Variants in RGSL1 observed in about 807,000 individuals in gnomAD.
RGSL1 encodes regulator of G protein signaling like 1, also known as regulator of G protein signaling protein-like.
In RGSL1, 97 loss-of-function variants were observed where a neutral mutation model predicts 124.7. The ratio of observed to expected loss-of-function variants is 0.78; its 90% CI spans 0.66 to 0.92. RGSL1 has a LOEUF of 0.92. RGSL1 is among the 40% of genes least tolerant of loss of function. RGSL1 has a pLI of 0.00. For synonymous variants in RGSL1, 424 were observed against 438.1 expected (o/e 0.97, Z 0.40); for missense variants, 1,233 against 1,288.4 (o/e 0.96, Z 0.66).
intron 15 of RGSL1, among the ~76,000 whole-genome samples, chr1:182,540,938 AC>A (rs1364092031): frequency 6.6e-6 from 1 of 152,166 alleles, no homozygotes; most frequent in East Asian, 1.9e-4. Context: ...TATAGACTAT[AC>A]CCCAAAAGCT....
At chr1:182,546,343 A>T (rs1396484340) in intron 15 of RGSL1, among the ~76,000 whole-genome samples, 2 of 114,932 alleles carry the variant, frequency 1.7e-5, no homozygotes, top group African/African-American at 6.3e-5. Context: ...CTGGCTTTGT[A>T]TACCTTTTTT....
intron 9 of RGSL1, among the ~76,000 whole-genome samples, chr1:182,505,590 G>T (rs1656753340): frequency 6.6e-6 from 1 of 152,082 alleles, no homozygotes; most frequent in Non-Finnish European, 1.5e-5. Flanking sequence ...CATTTTCTGT[G>T]TCATCATTTC....
At chr1:182,491,685 G>C (rs950817313) in intron 8 of RGSL1, among the ~76,000 whole-genome samples, 2 of 151,754 alleles carry the variant, frequency 1.3e-5, no homozygotes, top group African/African-American at 2.4e-5. Flanking sequence ...ACACATCATG[G>C]TGATGATGAT....
intron 9 of RGSL1, among the ~76,000 whole-genome samples, chr1:182,513,832 G>A (rs1657653396): frequency 6.6e-6 from 1 of 151,398 alleles, no homozygotes; most frequent in Non-Finnish European, 1.5e-5. Flanking sequence ...ATAGAGAGGT[G>A]TACTTTACCA....
intron 6 of RGSL1, among the ~76,000 whole-genome samples, chr1:182,481,613 CCAGA>C (rs1320854785): frequency 6.6e-6 from 1 of 152,118 alleles, no homozygotes; most frequent in African/African-American, 2.4e-5. Context: ...GACACCAAAG[CCAGA>C]CAAAGACACA....
At chr1:182,520,054 T>G (rs1658218171) in intron 9 of RGSL1, among the ~76,000 whole-genome samples, 1 of 152,180 alleles carries the variant, frequency 6.6e-6, no homozygotes, top group South Asian at 2.1e-4. Flanking sequence ...TTTGGTGAAG[T>G]CTTTTAAAAT....
chr1:182,521,434 A>G (rs578174835), intron 9 of RGSL1, among the ~76,000 whole-genome samples: 1 of 152,340 alleles, frequency 6.6e-6, no homozygotes, highest in East Asian at 1.9e-4. Flanking sequence ...GGAACCAGAC[A>G]CCAATTCTGA....
intron 1 of RGSL1, among the ~76,000 whole-genome samples, chr1:182,451,143 C>CAAAAAAAAA (rs569488586): frequency 9.5e-6 from 1 of 105,076 alleles, no homozygotes. Flanking sequence ...GAGACTTTGG[C>CAAAAAAAAA]AAAAAAAAAA....
intron 9 of RGSL1, among the ~76,000 whole-genome samples, chr1:182,507,713 T>C (rs1276136147): frequency 6.6e-6 from 1 of 151,824 alleles, no homozygotes; most frequent in East Asian, 1.9e-4. Flanking sequence ...TTTTTTTTTT[T>C]CTTTTTTGGG....
chr1:182,516,797 T>A lies in RGSL1; in HGVS notation c.1826-5207T>A, dbSNP rs542613537. On this transcript the variant is annotated intron_variant, in intron 9 of 21. Coordinates refer to ENST00000294854, the MANE Select transcript of RGSL1 (RefSeq NM_001137669.2). Reference sequence around the variant, plus strand: ...GTTATCTTAATTTACGTATTACTAATGTTTTAACAGTTTCTGTAGCTGTTA... The same window carrying A: ...GTTATCTTAATTTACGTATTACTAAAGTTTTAACAGTTTCTGTAGCTGTTA... Among the ~76,000 whole-genome samples, 4 of 152,324 alleles carry A rather than the reference T, an allele frequency of 2.6e-5. No homozygotes were observed. In the South Asian group the frequency reaches 8.3e-4, roughly 32 times the overall value.
chr1:182,449,634 T>TAA (rs1279949570), upstream of RGSL1, among the ~76,000 whole-genome samples: 1 of 152,186 alleles, frequency 6.6e-6, no homozygotes, highest in Non-Finnish European at 1.5e-5. Context: ...GCTGATGTTT[T>TAA]AATTTTAATT....
At position 182,456,782 on chromosome 1, in the gene RGSL1, A is replaced by T. The variant is rs952422149; in HGVS notation, c.97-1537A>T. Among the ~76,000 whole-genome samples, 6 of 152,124 alleles carry T rather than the reference A, an allele frequency of 3.9e-5. No homozygotes were observed. The East Asian group carries it at 1.2e-3, about 29-fold the overall frequency. Reference sequence around the variant, plus strand: ...ACAGCAGTAGTAGTTCATGTTGAATACTCCTTAAGTTTACAAATTTCTACC... The same window carrying T: ...ACAGCAGTAGTAGTTCATGTTGAATTCTCCTTAAGTTTACAAATTTCTACC... On this transcript the variant is annotated intron_variant, in intron 2 of 21. Transcript: ENST00000294854.
At chr1:182,527,894 G>A in intron 11 of RGSL1, 122 bp downstream of exon 11, 3 of 690,026 alleles carry the variant, frequency 4.3e-6, no homozygotes, top group Admixed American at 3.1e-5. Flanking sequence ...AGCCACATGG[G>A]GCAATATTGA....
intron 4 of RGSL1, among the ~76,000 whole-genome samples, chr1:182,465,986 C>T (rs917839733): frequency 1.3e-5 from 2 of 151,978 alleles, no homozygotes; most frequent in Non-Finnish European, 1.5e-5. Flanking sequence ...GGATATTTTT[C>T]CTGGAATGCA....
At chr1:182,509,851 TGCCGGGCGGAGAC>T (rs1657251079) in intron 9 of RGSL1, among the ~76,000 whole-genome samples, 2 of 134,558 alleles carry the variant, frequency 1.5e-5, no homozygotes, top group Admixed American at 7.0e-5. Flanking sequence ...ACGGGGTGGC[TGCCGGGCGGAGAC>T]GCTCCTCACT....
chr1:182,472,385 C>T lies in RGSL1; in HGVS notation c.302-11C>T, dbSNP rs1217090540. 2 of 1,544,974 alleles carry T rather than the reference C, an allele frequency of 1.3e-6. No individual in the cohort carries two copies. Among genetic ancestry groups the T allele is most frequent in the East Asian group, 2.5e-5 (1 of 40,738 alleles). ...GGGTATAGCTCTGTGCCTCTTCTGT[C>T]TCACCCGTAGGTGAAGAATTGGTGG... On this transcript the variant is annotated splice_polypyrimidine_tract_variant and intron_variant, in intron 4 of 21. Coordinates refer to ENST00000294854, the MANE Select transcript of RGSL1 (RefSeq NM_001137669.2).
At chr1:182,454,362 A>AC in intron 2 of RGSL1, among the ~76,000 whole-genome samples, 1 of 152,162 alleles carries the variant, frequency 6.6e-6, no homozygotes, top group South Asian at 2.1e-4. Context: ...CTCACTGGGT[A>AC]CCCCTGGCAT....
intron 8 of RGSL1, among the ~76,000 whole-genome samples, chr1:182,491,675 A>G (rs1026307306): frequency 4.7e-5 from 7 of 149,256 alleles, no homozygotes; most frequent in African/African-American, 1.7e-4. Context: ...CTCCTTGATT[A>G]CACATCATGG....
intron 9 of RGSL1, among the ~76,000 whole-genome samples, chr1:182,501,307 C>CTTTTTTTTTTTTTTTTTTTTTTTT (rs141279993): frequency 6.5e-5 from 4 of 61,342 alleles, no homozygotes; most frequent in Non-Finnish European, 8.5e-5. Flanking sequence ...TTTTTCTTTT[C>CTTTTTTTTTTTTTTTTTTTTTTTT]TTTTTTTTTT....
Sources: allele counts gnomAD v4.1 joint callset (sites outside exome capture counted in the v4.1 genomes callset), GRCh38; gene constraint gnomAD v4.1.1; transcripts MANE v1.5; gene names NCBI Gene and HGNC (gene_info 2026-07-23, HGNC 2026-07-21).